TNRC6A: variants seen among roughly 807,000 people sequenced by gnomAD.
TNRC6A encodes the protein trinucleotide repeat containing adaptor 6A.
TNRC6A carries 44 observed loss-of-function variants against 221.2 expected under a neutral mutation model. That is an observed-to-expected ratio of 0.20 (90% CI 0.16 to 0.26). The LOEUF is 0.26. Ranked by LOEUF, TNRC6A falls within the 10% of genes least tolerant of loss-of-function variation. TNRC6A has a pLI of 1.00. For missense variants in TNRC6A, 2,199 were observed against 2,404.4 expected, an observed-to-expected ratio of 0.91 and a Z score of 1.79; for synonymous variants, 847 against 838.5, an observed-to-expected ratio of 1.01 and a Z score of -0.18.
At chr16:24,725,425 G>A (rs990758294), upstream of TNRC6A, among the ~76,000 whole-genome samples, 3 of 151,860 alleles carry the variant, frequency 2.0e-5, no homozygotes, top group Admixed American at 6.6e-5. Context: ...CATTTGCCTC[G>A]GTCTGGCAGA....
chr16:24,636,757 A>G (rs148860474), intron 1 of TNRC6A, among the ~76,000 whole-genome samples: 2,220 of 152,358 alleles, frequency 0.015, 29 homozygotes, highest in Middle Eastern at 0.024. Flanking sequence ...ATTTTTAATT[A>G]CTAAATCAAT....
At chr16:24,694,084 C>T (rs563644768) in intron 2 of TNRC6A, among the ~76,000 whole-genome samples, 51 of 152,152 alleles carry the variant, frequency 3.4e-4, no homozygotes, top group African/African-American at 1.2e-3. Context: ...CAGTGACAGC[C>T]AAGGGGAGCA....
intron 2 of TNRC6A, among the ~76,000 whole-genome samples, chr16:24,747,685 C>T (rs1567418762): frequency 1.3e-5 from 2 of 152,134 alleles, no homozygotes; most frequent in Non-Finnish European, 2.9e-5. Context: ...TGGGAAAAAG[C>T]ATGACTGGTT....
In TNRC6A at chr16:24,785,981, C is replaced by G. The variant is rs567070589; in HGVS notation, c.590-3251C>G. On this transcript the variant is annotated intron_variant, in intron 5 of 24. Coordinates refer to ENST00000395799, the MANE Select transcript of TNRC6A (RefSeq NM_014494.4). ...AAGATAAATTCTAGGTGTTAGGAAA[C>G]TTACTGAGATGAGAAAAACTTGTAA... Among the ~76,000 whole-genome samples the G allele has an allele frequency of 2.0e-3, 311 of 152,266 alleles. 9 individuals are homozygous for G. Among genetic ancestry groups the G allele is most frequent in the Non-Finnish European group, 2.2e-3 (152 of 68,012 alleles).
chr16:24,757,268 T>G (rs958033921), intron 3 of TNRC6A, among the ~76,000 whole-genome samples: 1 of 135,324 alleles, frequency 7.4e-6, no homozygotes, highest in East Asian at 2.2e-4. Flanking sequence ...GGGGAAAGAT[T>G]AATGTTTGGT....
At chr16:24,813,143 C>G (rs760603134) in intron 18 of TNRC6A, among the ~76,000 whole-genome samples, 9 of 152,070 alleles carry the variant, frequency 5.9e-5, no homozygotes, top group Admixed American at 2.6e-4. Context: ...TCCCAAAGTG[C>G]TGGGATTATA....
rs372939679 is a variant in TNRC6A at position 24,712,794 on chromosome 16, C to T, written n.403-37932C>T. Reference sequence around the variant, plus strand: ...TTCGAGACAGGGTCTCGCTCTGTCACCCAGGCTAGAGTGCAGTGGCACAAA... The same window carrying T: ...TTCGAGACAGGGTCTCGCTCTGTCATCCAGGCTAGAGTGCAGTGGCACAAA... On this transcript the variant is annotated intron_variant and non_coding_transcript_variant, in intron 2 of 2. Transcript: ENST00000566108. 5.9e-5 allele frequency among the ~76,000 whole-genome samples: 9 copies of T among 152,242 alleles called. No individual in the cohort carries two copies. In the East Asian group the frequency reaches 1.7e-3, roughly 29 times the overall value.
chr16:24,611,025 C>A (rs928469881), intron 1 of TNRC6A, among the ~76,000 whole-genome samples: 9 of 152,026 alleles, frequency 5.9e-5, no homozygotes, highest in African/African-American at 2.2e-4. Context: ...GTTGGCCAGG[C>A]TGGTTTCGAA....
intron 4 of TNRC6A, among the ~76,000 whole-genome samples, chr16:24,763,093 G>T (rs1281351628): frequency 6.6e-6 from 1 of 152,034 alleles, no homozygotes; most frequent in African/African-American, 2.4e-5. Context: ...ATCTTTGGTT[G>T]TTGATGAAAA....
chr16:24,720,880 C>G (rs1333486998), intron 2 of TNRC6A, among the ~76,000 whole-genome samples: 1 of 146,842 alleles, frequency 6.8e-6, no homozygotes, highest in Admixed American at 6.8e-5. Flanking sequence ...CTAAAACAAA[C>G]AAACAGAAAA....
At chr16:24,743,104 G>C (rs891282089) in intron 2 of TNRC6A, among the ~76,000 whole-genome samples, 2 of 152,152 alleles carry the variant, frequency 1.3e-5, no homozygotes, top group Non-Finnish European at 2.9e-5. Context: ...CCACAGCCTT[G>C]TACCATCTGA....
chr16:24,766,701 T>C (rs2057480235), intron 4 of TNRC6A, among the ~76,000 whole-genome samples: 1 of 146,072 alleles, frequency 6.8e-6, no homozygotes, highest in African/African-American at 2.6e-5. Flanking sequence ...TTTTGACGTG[T>C]AGTCTCACTC....
At chr16:24,768,595 A>G (rs975964233) in intron 4 of TNRC6A, among the ~76,000 whole-genome samples, 1 of 152,098 alleles carries the variant, frequency 6.6e-6, no homozygotes, top group Non-Finnish European at 1.5e-5. Flanking sequence ...TTGTTTTCCT[A>G]TATAACGACA....
rs1055684321 is a variant in TNRC6A at position 24,668,399 on chromosome 16, A to T, written n.402+27390A>T. On this transcript the variant is annotated intron_variant and non_coding_transcript_variant, in intron 2 of 2. Transcript: ENST00000566108. ...GAAAAGAAAAATAAATTACATATAT[A>T]TATGTATATGTATATTTCAGCGCTT... Among the ~76,000 whole-genome samples, 3 of 152,070 alleles carry T rather than the reference A, an allele frequency of 2.0e-5. No homozygotes were observed. The East Asian group carries it at 5.8e-4, about 29-fold the overall frequency.
In TNRC6A at chr16:24,815,139, C is replaced by G. The variant is rs769191541; in HGVS notation, c.4673-8C>G. On this transcript the variant is annotated splice_polypyrimidine_tract_variant and splice_region_variant and intron_variant, in intron 18 of 24. Coordinates refer to ENST00000395799, the MANE Select transcript of TNRC6A (RefSeq NM_014494.4). ...GCTCACATTTCTCTATTATTCTTCC[C>G]TTGTTAGGTGCTATTTCAAGTGGTT... The G allele has an allele frequency of 1.1e-5, 17 of 1,609,638 alleles. No individual in the cohort carries two copies. The South Asian group carries it at 1.9e-4, about 18-fold the overall frequency.
rs1012920578 is a variant in TNRC6A, at chr16:24,797,010, T to C, written c.3562-480T>C. ...CACAAATTGAAATTTTAAAATACTT[T>C]TTCATGTGGAAAACACATGGTGTTT... On this transcript the variant is annotated intron_variant, in intron 9 of 24. Transcript: ENST00000395799. 3.3e-5 allele frequency among the ~76,000 whole-genome samples: 5 copies of C among 152,218 alleles called. No individual in the cohort carries two copies. The East Asian group carries it at 9.6e-4, about 29-fold the overall frequency.
chr16:24,649,570 A>G (rs913812340), intron 2 of TNRC6A, among the ~76,000 whole-genome samples: 15 of 152,040 alleles, frequency 9.9e-5, no homozygotes, highest in African/African-American at 3.4e-4. Flanking sequence ...CTGCCTCTCA[A>G]AGTGCTGGGA....
At chr16:24,798,053 A>T (rs1201708748) in intron 11 of TNRC6A, 87 bp downstream of exon 11, 2 of 1,208,344 alleles carry the variant, frequency 1.7e-6, no homozygotes, top group African/African-American at 1.5e-5. Context: ...CCTGACGTAG[A>T]TCAGGACAGG....
At chr16:24,610,784 C>T (rs1296616161) in intron 1 of TNRC6A, among the ~76,000 whole-genome samples, 1 of 152,014 alleles carries the variant, frequency 6.6e-6, no homozygotes, top group African/African-American at 2.4e-5. Context: ...CTCTCACCTT[C>T]CCCCTTTCCA....
Sources: allele counts gnomAD v4.1 joint callset (sites outside exome capture counted in the v4.1 genomes callset), GRCh38; gene constraint gnomAD v4.1.1; transcripts MANE v1.5; gene names NCBI Gene and HGNC (gene_info 2026-07-23, HGNC 2026-07-21).